The following DNAH5 variants were observed in gnomAD, a reference collection of about 807,000 sequenced individuals.
DNAH5 encodes the protein axonemal beta dynein heavy chain 5.
DNAH5 carries 372 observed loss-of-function variants against 518.2 expected under a neutral mutation model. The ratio of observed to expected loss-of-function variants is 0.72; its 90% CI spans 0.66 to 0.78. The LOEUF (loss-of-function observed/expected upper bound fraction) is 0.78. Among genes scored for constraint, DNAH5 ranks in the 30% least tolerant of loss-of-function variants. The pLI is 0.00. For synonymous variants in DNAH5, 2,039 were observed against 2,025.9 expected (o/e 1.01, Z -0.17); for missense variants, 5,523 against 5,687.0 (o/e 0.97, Z 0.93).
At chr5:13,927,082 TTAATA>T (rs1272132191) in intron 3 of DNAH5, among the ~76,000 whole-genome samples, 44 of 152,100 alleles carry the variant, frequency 2.9e-4, no homozygotes, top group African/African-American at 5.3e-4. Flanking sequence ...ATATAATATT[TTAATA>T]TATTAAATAA....
intron 1 of DNAH5, among the ~76,000 whole-genome samples, chr5:13,988,110 G>T (rs1320131688): frequency 6.6e-6 from 1 of 152,146 alleles, no homozygotes; most frequent in Non-Finnish European, 1.5e-5. Flanking sequence ...ATAAGGATTT[G>T]CTATTTTGAC....
At chr5:13,777,108 C>A (rs1326792472) in intron 54 of DNAH5, 94 bp downstream of exon 54, 8 of 1,243,988 alleles carry the variant, frequency 6.4e-6, no homozygotes, top group South Asian at 1.3e-5. Flanking sequence ...CCCAATAGCA[C>A]TTATTCACAC....
rs146392250 is a variant in DNAH5, at chr5:13,820,435, G to A, written c.6752C>T (p.Thr2251Met). Residue 2251 changes from threonine to methionine, a missense_variant, in exon 41 of 79, where the codon ACG becomes ATG. Thr to Met is a moderately conservative substitution (Grantham distance 81). This residue lies in a region of DNAH5 where 5,121 missense variants were observed against 5,223.3 expected (regional missense o/e 0.98). Coordinates refer to ENST00000265104, the MANE Select transcript of DNAH5 (RefSeq NM_001369.3). ...WKLKVIQLFETQRVRHGMMTL... is the reference protein window; with the variant it reads ...WKLKVIQLFEMQRVRHGMMTL... ...CATCATCCCATGTCGCACTCTCTGC[G>A]TTTCGAATAGCTGGATGACCTTCAG... The A allele has an allele frequency of 1.8e-4, 287 of 1,614,006 alleles. 1 individual carries two copies. The African/African-American group carries it at 3.2e-3, about 18-fold the overall frequency.
At chr5:13,922,035 G>A (rs533758556) in intron 5 of DNAH5, 72 bp downstream of exon 5, 3 of 1,481,928 alleles carry the variant, frequency 2.0e-6, no homozygotes, top group African/African-American at 1.4e-5. Flanking sequence ...TCTAAGAGAA[G>A]CATTACACAC....
intron 5 of DNAH5, 133 bp from the exon 6 acceptor site, chr5:13,920,750 C>T: frequency 1.1e-6 from 1 of 875,078 alleles, no homozygotes; most frequent in South Asian, 1.4e-5. Context: ...ACCTCCTCTC[C>T]ACTCCCACGT....
chr5:13,691,025 G>T lies in DNAH5; in HGVS notation c.*959C>A, dbSNP rs570689259. 1 of 152,220 alleles carries T rather than the reference G, an allele frequency of 6.6e-6. No homozygotes were observed. The highest frequency in any genetic ancestry group is 2.4e-5 in the African/African-American group (1 of 41,538). 9.4% of individuals were successfully genotyped at this position (152,220 alleles called of 1,614,324 possible). A position where few individuals can be genotyped will look rare whatever the true frequency, so the allele number is the denominator to read the frequency against. On this transcript the variant is annotated 3_prime_UTR_variant, in exon 79 of 79. Transcript: ENST00000265104. Reference sequence around the variant, plus strand: ...CTAAATCTTTCACTTAACAGTCTGGGTCTACCATTTCATATTATGGAATCT... The same window carrying T: ...CTAAATCTTTCACTTAACAGTCTGGTTCTACCATTTCATATTATGGAATCT...
At chr5:13,692,928 TAAGAA>T (rs750404860) in intron 78 of DNAH5, among the ~76,000 whole-genome samples, 5 of 152,124 alleles carry the variant, frequency 3.3e-5, no homozygotes, top group Admixed American at 6.5e-5. Context: ...GGGCCCTCTT[TAAGAA>T]AAGGAGTAAA....
At chr5:13,930,342 G>T (rs962904472) in intron 2 of DNAH5, among the ~76,000 whole-genome samples, 45 of 152,106 alleles carry the variant, frequency 3.0e-4, no homozygotes, top group African/African-American at 9.4e-4. Context: ...GAAATTAGCA[G>T]ATTTTCAAAC....
Position 13,727,542 on chromosome 5 carries a change from T to C in DNAH5, c.11998A>G (p.Ile4000Val). ...GTTCTGTCAGGACACCAGGATCTAA[T>C]AAGGAGAAGACGTCTGAAGCAGTCA... ...SLDCFRRLLLIRSWCPDRTIA... is the reference protein window; with the variant it reads ...SLDCFRRLLLVRSWCPDRTIA... The change falls in exon 70 of 79, where the codon ATT (isoleucine) becomes GTT (valine). Residue 4000 changes from isoleucine (I) to valine (V), a missense_variant. Physicochemically the swap from Ile to Val is conservative, Grantham distance 29. Around this residue, in one of 3 missense-constraint regions of DNAH5, gnomAD observed 5,121 missense variants for 5,223.3 expected, o/e 0.98. Transcript: ENST00000265104. 6.2e-7 allele frequency: 1 copy of C among 1,613,804 alleles called. No homozygotes were observed. Among genetic ancestry groups the C allele is most frequent in the Non-Finnish European group, 8.5e-7 (1 of 1,179,742 alleles).
chr5:13,876,046 A>G (rs965913586), intron 22 of DNAH5, among the ~76,000 whole-genome samples: 2 of 152,182 alleles, frequency 1.3e-5, no homozygotes, highest in Non-Finnish European at 2.9e-5. Context: ...GAATTAGAAG[A>G]GTTTTTTTAA....
At chr5:13,991,122 C>G (rs1359074667) in intron 1 of DNAH5, among the ~76,000 whole-genome samples, 1 of 152,088 alleles carries the variant, frequency 6.6e-6, no homozygotes, top group Non-Finnish European at 1.5e-5. Flanking sequence ...CCCAACCTGA[C>G]TGGCATGAAA....
chr5:13,737,811 C>T (rs1284491358), intron 65 of DNAH5, among the ~76,000 whole-genome samples: 3 of 151,980 alleles, frequency 2.0e-5, no homozygotes, highest in Non-Finnish European at 4.4e-5. Context: ...CCTGTAGTCC[C>T]AGCACTTTAG....
At chr5:13,821,196 A>G (rs942293264) in intron 40 of DNAH5, among the ~76,000 whole-genome samples, 24 of 152,220 alleles carry the variant, frequency 1.6e-4, no homozygotes, top group Non-Finnish European at 1.6e-4. Flanking sequence ...AAACATTTAT[A>G]TAAATATTCG....
At position 13,831,057 on chromosome 5, in the gene DNAH5, T is replaced by C. The variant is rs190602327; in HGVS notation, c.5883-282A>G. Among the ~76,000 whole-genome samples, 90 of 152,162 alleles carry C rather than the reference T, an allele frequency of 5.9e-4. 1 individual carries two copies. The highest frequency in any genetic ancestry group is 1.9e-3 in the African/African-American group (80 of 41,398). On this transcript the variant is annotated intron_variant, in intron 35 of 78. Coordinates refer to ENST00000265104, the MANE Select transcript of DNAH5 (RefSeq NM_001369.3). ...TTTTTCAGGCTTTCTTATCATAATA[T>C]GCAGAGAGAATCTCCAGGTATAAAA...
At chr5:13,934,386 G>T (rs1415253990) in intron 1 of DNAH5, among the ~76,000 whole-genome samples, 1 of 152,152 alleles carries the variant, frequency 6.6e-6, no homozygotes, top group African/African-American at 2.4e-5. Flanking sequence ...AGAGATAACA[G>T]ATGATTGTTT....
intron 1 of DNAH5, among the ~76,000 whole-genome samples, chr5:13,969,926 A>G (rs116010056): frequency 0.01 from 1,586 of 152,252 alleles, 13 homozygotes; most frequent in South Asian, 0.026. Flanking sequence ...TTTTGTTGCT[A>G]TCTCATTACT....
chr5:13,721,392 CA>C, intron 70 of DNAH5, 147 bp from the exon 71 acceptor site: 1 of 931,316 alleles, frequency 1.1e-6, no homozygotes, highest in Non-Finnish European at 1.6e-6. Context: ...GACTGTTTTT[CA>C]TATTTGTTTG....
chr5:13,974,916 G>A (rs1472561006), intron 1 of DNAH5, among the ~76,000 whole-genome samples: 2 of 152,144 alleles, frequency 1.3e-5, no homozygotes, highest in African/African-American at 4.8e-5. Context: ...GTAAGGCCAG[G>A]GCAGCCCTAT....
At chr5:13,953,481 C>G (rs542407223) in intron 1 of DNAH5, among the ~76,000 whole-genome samples, 1 of 152,206 alleles carries the variant, frequency 6.6e-6, no homozygotes, top group South Asian at 2.1e-4. Context: ...GCACAATTAA[C>G]TACATAAATC....
Sources: allele counts gnomAD v4.1 joint callset (sites outside exome capture counted in the v4.1 genomes callset), GRCh38; gene constraint gnomAD v4.1.1; regional missense constraint gnomAD v4.1.1; transcripts MANE v1.5; gene names NCBI Gene and HGNC (gene_info 2026-07-23, HGNC 2026-07-21).